Variants in PIP5K1B observed in about 807,000 individuals in gnomAD.
PIP5K1B encodes the protein phosphatidylinositol-4-phosphate 5-kinase type 1 beta.
A neutral mutation model predicts 67.0 loss-of-function variants in PIP5K1B; 42 were observed. The ratio of observed to expected loss-of-function variants is 0.63; its 90% CI spans 0.49 to 0.81. PIP5K1B has a LOEUF of 0.81. PIP5K1B is among the 30% of genes least tolerant of loss of function. PIP5K1B has a pLI of 0.00. For synonymous variants in PIP5K1B, 214 were observed against 231.4 expected (o/e 0.92, Z 0.68); for missense variants, 459 against 646.3 (o/e 0.71, Z 3.14).
intron 1 of PIP5K1B, among the ~76,000 whole-genome samples, chr9:68,740,892 C>T (rs1828973911): frequency 6.6e-6 from 1 of 152,212 alleles, no homozygotes; most frequent in African/African-American, 2.4e-5. Context: ...ACTTCAGGCT[C>T]AGAAGCCACT....
intron 14 of PIP5K1B, among the ~76,000 whole-genome samples, chr9:68,983,513 T>G (rs975994563): frequency 2.6e-5 from 4 of 151,154 alleles, no homozygotes; most frequent in African/African-American, 9.7e-5. Flanking sequence ...TTTTAAATAC[T>G]TATCTCATTG....
intron 1 of PIP5K1B, among the ~76,000 whole-genome samples, chr9:68,714,784 G>T (rs1587329729): frequency 6.6e-6 from 1 of 152,160 alleles, no homozygotes; most frequent in Admixed American, 6.5e-5. Flanking sequence ...ACTTTTAAAG[G>T]AACAGGATGG....
chr9:69,000,437 G>C (rs918160660), intron 15 of PIP5K1B, among the ~76,000 whole-genome samples: 7 of 152,094 alleles, frequency 4.6e-5, no homozygotes, highest in Non-Finnish European at 8.8e-5. Flanking sequence ...CTGTAACAAA[G>C]TACCCCAGAT....
At chr9:68,907,968 T>C (rs1825695155) in intron 8 of PIP5K1B, among the ~76,000 whole-genome samples, 1 of 152,188 alleles carries the variant, frequency 6.6e-6, no homozygotes, top group Non-Finnish European at 1.5e-5. Flanking sequence ...ACTTTTTTCT[T>C]TTTACCAAGA....
rs542969530 is a variant in PIP5K1B, at chr9:68,929,704, C to T, written c.1202-5186C>T. Among the ~76,000 whole-genome samples the T allele has an allele frequency of 2.8e-4, 43 of 152,270 alleles. No homozygotes were observed. The South Asian group carries it at 8.9e-3, about 32-fold the overall frequency. On this transcript the variant is annotated intron_variant, in intron 12 of 15. Transcript: ENST00000265382. ...TGTTTTTTTGAGATGGAGTCTCACT[C>T]TGTTGCCCAGGCTGGAGTACAGTGG... is the stretch of plus-strand genomic sequence containing the variant.
intron 14 of PIP5K1B, among the ~76,000 whole-genome samples, chr9:68,988,059 A>G (rs982492419): frequency 6.6e-6 from 1 of 152,210 alleles, no homozygotes; most frequent in African/African-American, 2.4e-5. Flanking sequence ...CCTTGTTTTT[A>G]GGAAATTCAC....
chr9:68,707,875 A>C (rs899695535), intron 1 of PIP5K1B: 1 of 152,198 alleles, frequency 6.6e-6, no homozygotes, highest in African/African-American at 2.4e-5. Flanking sequence ...TCCAAGTCTC[A>C]AGTGTCTCAC....
At chr9:68,777,594 A>G (rs1252055448) in intron 2 of PIP5K1B, among the ~76,000 whole-genome samples, 5 of 152,218 alleles carry the variant, frequency 3.3e-5, no homozygotes. Flanking sequence ...CTACAAGGAC[A>G]AGGGTAGAAA....
chr9:68,911,075 G>T (rs1825822248), intron 8 of PIP5K1B, among the ~76,000 whole-genome samples: 1 of 152,174 alleles, frequency 6.6e-6, no homozygotes, highest in Non-Finnish European at 1.5e-5. Flanking sequence ...GGTTTGTGAG[G>T]AAAGAATGGG....
At chr9:68,956,516 G>A (rs1450281346) in intron 14 of PIP5K1B, among the ~76,000 whole-genome samples, 1 of 152,176 alleles carries the variant, frequency 6.6e-6, no homozygotes, top group Non-Finnish European at 1.5e-5. Context: ...CATGAAATGT[G>A]CCTGTAGTTA....
chr9:69,000,894 C>CTTTT (rs35077587), intron 15 of PIP5K1B, among the ~76,000 whole-genome samples: 1 of 144,538 alleles, frequency 6.9e-6, no homozygotes, highest in Non-Finnish European at 1.5e-5. Context: ...GGGAGCACAA[C>CTTTT]TTTTTTTTTT....
chr9:68,784,636 G>T (rs896426251), intron 2 of PIP5K1B: 2 of 166,656 alleles, frequency 1.2e-5, no homozygotes, highest in Admixed American at 1.3e-4. Flanking sequence ...TTTTTTCAGG[G>T]TGTGTTTATA....
intron 14 of PIP5K1B, among the ~76,000 whole-genome samples, chr9:68,963,804 C>G (rs548845709): frequency 6.6e-6 from 1 of 152,240 alleles, no homozygotes; most frequent in South Asian, 2.1e-4. Context: ...GACAATAGAT[C>G]CTTCAACCGT....
In PIP5K1B at chr9:68,780,053, C is replaced by T. The variant is rs1831151611; in HGVS notation, c.-86+37396C>T. The T allele has an allele frequency of 2.9e-6, 4 of 1,387,162 alleles. No individual in the cohort carries two copies. In the African/African-American group the frequency reaches 4.5e-5, roughly 16 times the overall value. 85.9% of individuals were successfully genotyped at this position (1,387,162 alleles called of 1,614,324 possible). On this transcript the variant is annotated intron_variant, in intron 2 of 15. Transcript: ENST00000265382. Reference sequence around the variant, plus strand: ...AAGGGCTACGCATGCGCAGAGGGGCCAGCCCGCTGACAGATTCTCGGTGGC... The same window carrying T: ...AAGGGCTACGCATGCGCAGAGGGGCTAGCCCGCTGACAGATTCTCGGTGGC...
chr9:68,973,484 A>G (rs557486680), intron 14 of PIP5K1B, among the ~76,000 whole-genome samples: 3 of 152,244 alleles, frequency 2.0e-5, no homozygotes, highest in Non-Finnish European at 4.4e-5. Context: ...GAGGAGGTCA[A>G]AAACATAGGA....
chr9:68,758,742 A>C (rs1176410268), intron 2 of PIP5K1B, among the ~76,000 whole-genome samples: 1 of 152,144 alleles, frequency 6.6e-6, no homozygotes, highest in African/African-American at 2.4e-5. Flanking sequence ...AAGATTTGGC[A>C]TAAAGCTACA....
intron 8 of PIP5K1B, among the ~76,000 whole-genome samples, chr9:68,909,110 A>T (rs1343728221): frequency 6.6e-6 from 1 of 152,240 alleles, no homozygotes; most frequent in East Asian, 1.9e-4. Flanking sequence ...GCAAAGGGTA[A>T]GTTAATGCTA....
intron 14 of PIP5K1B, among the ~76,000 whole-genome samples, chr9:68,990,159 G>A (rs897164562): frequency 3.3e-5 from 5 of 152,206 alleles, no homozygotes; most frequent in Admixed American, 2.6e-4. Flanking sequence ...TATCCTCACA[G>A]AGGACATAAC....
chr9:68,738,231 TA>T (rs1828835925), intron 1 of PIP5K1B, among the ~76,000 whole-genome samples: 1 of 152,204 alleles, frequency 6.6e-6, no homozygotes, highest in Admixed American at 6.5e-5. Context: ...CAACACCAAC[TA>T]GGTACATTTA....
Sources: allele counts gnomAD v4.1 joint callset (sites outside exome capture counted in the v4.1 genomes callset), GRCh38; gene constraint gnomAD v4.1.1; transcripts MANE v1.5; gene names NCBI Gene and HGNC (gene_info 2026-07-23, HGNC 2026-07-21).